ANKRD18A: variants seen among roughly 807,000 people sequenced by gnomAD.
The protein encoded by ANKRD18A is ankyrin repeat domain-containing protein 18A.
A neutral mutation model predicts 110.6 loss-of-function variants in ANKRD18A; 72 were observed. The ratio of observed to expected loss-of-function variants is 0.65; its 90% confidence interval spans 0.54 to 0.79. The LOEUF (loss-of-function observed/expected upper bound fraction) is 0.79. Among genes scored for constraint, ANKRD18A ranks in the 30% least tolerant of loss-of-function variants. The pLI is 0.00. For missense variants in ANKRD18A, 934 were observed against 1,163.3 expected, an observed-to-expected ratio of 0.80 and a Z score of 2.87; for synonymous variants, 305 against 410.3, an observed-to-expected ratio of 0.74 and a Z score of 3.10.
At position 38,620,072 on chromosome 9, in the gene ANKRD18A, C is replaced by G. The variant is rs191873863; in HGVS notation, c.206+8G>C. 2.6e-3 allele frequency: 3,974 copies of G among 1,550,054 alleles called. 100 individuals are homozygous for G. In the African/African-American group the frequency reaches 0.048, roughly 19 times the overall value. On this transcript the variant is annotated splice_region_variant and intron_variant, in intron 1 of 15. Coordinates refer to ENST00000399703, the MANE Select transcript of ANKRD18A (RefSeq NM_147195.4). ...CCCCTCCCACCGCGGGCTGAGTCCC[C>G]GAGCTACCTGTCTTTTCTGTCGCGG...
chr9:38,575,543 T>C lies in ANKRD18A; in HGVS notation c.2897A>G (p.Lys966Arg). The C allele has an allele frequency of 6.4e-7, 1 of 1,551,596 alleles. No individual in the cohort carries two copies. Among genetic ancestry groups the C allele is most frequent in the Non-Finnish European group, 8.7e-7 (1 of 1,146,814 alleles). Residue 966 changes from lysine to arginine, a missense_variant, in exon 15 of 16, where the codon AAA becomes AGA. By Grantham distance (26) the Lys-to-Arg change is conservative (BLOSUM62 2). This residue lies in a region of ANKRD18A where 223 missense variants were observed against 226.7 expected (regional missense o/e 0.98). Transcript: ENST00000399703. ...SIELNRKYIP[K>R]TAIRIPTSNP... ...TGAAGTAGGAATTCTTATGGCCGTT[T>C]TGGGAATATATTTTCTGTTGAGTTC...
intron 13 of ANKRD18A, among the ~76,000 whole-genome samples, 152 bp downstream of exon 13, chr9:38,577,715 A>G (rs1234581397): frequency 6.6e-6 from 1 of 152,182 alleles, no homozygotes; most frequent in Non-Finnish European, 1.5e-5. Flanking sequence ...AATATTTAAA[A>G]GGAAAAAAGT....
chr9:38,609,422 A>G (rs1825500178), intron 5 of ANKRD18A, among the ~76,000 whole-genome samples: 1 of 152,152 alleles, frequency 6.6e-6, no homozygotes, highest in Non-Finnish European at 1.5e-5. Flanking sequence ...GGGAGCTTGC[A>G]GTGAGCCAAG....
chr9:38,591,715 T>C (rs1174385770), intron 10 of ANKRD18A, among the ~76,000 whole-genome samples: 1 of 152,168 alleles, frequency 6.6e-6, no homozygotes, highest in Non-Finnish European at 1.5e-5. Flanking sequence ...ATGGGGAGTG[T>C]ATAATTTATA....
At chr9:38,581,144 A>C (rs1376448504) in intron 12 of ANKRD18A, among the ~76,000 whole-genome samples, 1 of 152,196 alleles carries the variant, frequency 6.6e-6, no homozygotes, top group Non-Finnish European at 1.5e-5. Flanking sequence ...AACTCTGGGT[A>C]ATTGTTAGAA....
At chr9:38,619,367 A>C (rs10973935) in intron 1 of ANKRD18A, among the ~76,000 whole-genome samples, 1 of 152,148 alleles carries the variant, frequency 6.6e-6, no homozygotes, top group Non-Finnish European at 1.5e-5. Context: ...CCCTATGTAT[A>C]TATCTTACAT....
At chr9:38,580,216 A>C (rs1022039301) in intron 12 of ANKRD18A, among the ~76,000 whole-genome samples, 5 of 152,212 alleles carry the variant, frequency 3.3e-5, no homozygotes, top group Non-Finnish European at 7.4e-5. Flanking sequence ...GAGCAGCCTG[A>C]ACAACATAGA....
At chr9:38,604,184 G>C (rs562725111) in intron 6 of ANKRD18A, 4 of 150,926 alleles carry the variant, frequency 2.7e-5, no homozygotes, top group African/African-American at 9.8e-5. Flanking sequence ...TGTTGTCCCA[G>C]CTCCTCGGGA....
intron 10 of ANKRD18A, among the ~76,000 whole-genome samples, chr9:38,593,469 T>A (rs1437863596): frequency 1.3e-5 from 2 of 152,228 alleles, no homozygotes; most frequent in Non-Finnish European, 2.9e-5. Flanking sequence ...AAGGAAATTA[T>A]CTAAAAATAC....
chr9:38,617,613 C>T (rs1000857193), intron 1 of ANKRD18A, among the ~76,000 whole-genome samples: 4 of 152,174 alleles, frequency 2.6e-5, no homozygotes, highest in African/African-American at 9.6e-5. Flanking sequence ...TTCAAAAGGG[C>T]AGTTAAAGGT....
intron 15 of ANKRD18A, among the ~76,000 whole-genome samples, chr9:38,574,884 A>G (rs1166982760): frequency 6.6e-6 from 1 of 151,996 alleles, no homozygotes; most frequent in Admixed American, 6.6e-5. Context: ...TAACAAGGTC[A>G]AGAGTTCGAG....
At chr9:38,599,589 C>G (rs182705269) in intron 8 of ANKRD18A, among the ~76,000 whole-genome samples, 2,119 of 152,104 alleles carry the variant, frequency 0.014, 31 homozygotes, top group African/African-American at 0.034. Flanking sequence ...CTCAGCCTCC[C>G]GAGTAGCTGG....
At chr9:38,569,440 A>G (rs1823558929), downstream of ANKRD18A, 1 of 984,828 alleles carries the variant, frequency 1.0e-6, no homozygotes, top group Admixed American at 6.2e-5. Context: ...TGTGCCTTTC[A>G]CCTAGAAAAC....
At chr9:38,617,275 A>T (rs538544738) in intron 1 of ANKRD18A, among the ~76,000 whole-genome samples, 98 of 152,210 alleles carry the variant, frequency 6.4e-4, no homozygotes, top group Admixed American at 2.0e-3. Context: ...CTCTGTCTCT[A>T]CTAAAACTAC....
At chr9:38,582,954 C>A (rs1428997922) in intron 12 of ANKRD18A, among the ~76,000 whole-genome samples, 2 of 152,122 alleles carry the variant, frequency 1.3e-5, no homozygotes, top group African/African-American at 2.4e-5. Context: ...ATATAAAGAA[C>A]CCTTGCCATT....
chr9:38,584,976 A>G (rs1209787092), intron 12 of ANKRD18A, among the ~76,000 whole-genome samples: 1 of 152,290 alleles, frequency 6.6e-6, no homozygotes, highest in East Asian at 1.9e-4. Flanking sequence ...AAGTTATTTT[A>G]CCCCCAAATA....
intron 11 of ANKRD18A, among the ~76,000 whole-genome samples, chr9:38,587,093 A>G (rs2118721940): frequency 6.6e-6 from 1 of 152,332 alleles, no homozygotes; most frequent in South Asian, 2.1e-4. Context: ...ACATTATTCA[A>G]TGTAGAAAAA....
downstream of ANKRD18A, chr9:38,570,981 G>A (rs910072762): frequency 2.5e-5 from 22 of 875,972 alleles, no homozygotes; most frequent in African/African-American, 3.5e-4. Context: ...GGTCTCCCAG[G>A]GCCCTTCCTG....
intron 14 of ANKRD18A, 127 bp from the exon 15 acceptor site, chr9:38,575,825 A>G (rs536000887): frequency 4.5e-5 from 39 of 874,234 alleles, no homozygotes; most frequent in Admixed American, 3.9e-4. Context: ...GCTTTCACAC[A>G]AAGATGTGTG....
Sources: gnomAD v4.1 joint callset for allele counts (sites outside exome capture counted in the v4.1 genomes callset) on GRCh38, gnomAD v4.1.1 for gene constraint, gnomAD v4.1.1 regional missense constraint, MANE v1.5 for transcripts, NCBI Gene and HGNC (gene_info 2026-07-23, HGNC 2026-07-21) for gene names.